The following PPARA variants were observed in gnomAD, a reference collection of about 807,000 sequenced individuals.
PPARA encodes peroxisome proliferator activated receptor alpha, also known as peroxisome proliferator-activated receptor alpha.
In PPARA, 22 loss-of-function variants were observed where a neutral mutation model predicts 42.2. The observed-to-expected ratio is 0.52, with a 90% CI of 0.37 to 0.74. The LOEUF is 0.74. Among genes scored for constraint, PPARA ranks in the 30% least tolerant of loss-of-function variants. The probability of loss-of-function intolerance (pLI) is 0.00; values close to 1 mark genes in which losing one functional copy is unlikely to be tolerated. For missense variants in PPARA, 465 were observed against 608.2 expected (o/e 0.76, Z 2.48); for synonymous variants, 242 against 239.3 (o/e 1.01, Z -0.10).
chr22:46,194,714 G>A (rs1931998026), intron 3 of PPARA, among the ~76,000 whole-genome samples: 2 of 151,382 alleles, frequency 1.3e-5, no homozygotes, highest in African/African-American at 4.9e-5. Flanking sequence ...TGGGATTACA[G>A]GCACCTGCCA....
chr22:46,206,535 A>T (rs548989771), intron 4 of PPARA, among the ~76,000 whole-genome samples: 2 of 152,206 alleles, frequency 1.3e-5, no homozygotes, highest in Non-Finnish European at 1.5e-5. Flanking sequence ...AATGTCTCCC[A>T]GTCTACCTTC....
chr22:46,168,330 C>T (rs1927407379), intron 2 of PPARA, among the ~76,000 whole-genome samples: 2 of 94,670 alleles, frequency 2.1e-5, no homozygotes, highest in African/African-American at 8.1e-5. Context: ...CCAGCCTGGA[C>T]AACAGAGCGA....
At chr22:46,217,869 C>T (rs1381129303) in intron 5 of PPARA, among the ~76,000 whole-genome samples, 4 of 113,396 alleles carry the variant, frequency 3.5e-5, no homozygotes, top group African/African-American at 1.1e-4. Context: ...CTCACTCTGT[C>T]GCGCAGGCTG....
chr22:46,154,053 C>T (rs1270967502), intron 2 of PPARA, among the ~76,000 whole-genome samples: 6 of 152,052 alleles, frequency 3.9e-5, no homozygotes, highest in Admixed American at 6.6e-5. Context: ...TAATATTTAG[C>T]CAATCTCTTT....
chr22:46,212,823 C>G lies in PPARA; in HGVS notation c.209-2350C>G, dbSNP rs1934070580. On this transcript the variant is annotated intron_variant, in intron 4 of 8. Coordinates refer to ENST00000407236, the MANE Select transcript of PPARA (RefSeq NM_005036.6). This position sits in a 1 kb window ranked among gnomAD's most constrained non-coding sequence, Gnocchi z 4.2. ...CCAGCCTGGCCAACATGGTGAAACG[C>G]TGTCTCTACTAAAAATACAAAAATT... Among the ~76,000 whole-genome samples the G allele has an allele frequency of 6.6e-6, 1 of 152,110 alleles. No individual in the cohort carries two copies. Among genetic ancestry groups the G allele is most frequent in the Non-Finnish European group, 1.5e-5 (1 of 68,020 alleles).
Position 46,231,051 on chromosome 22 carries a change from C to CA in PPARA, c.712-741_712-740insA, listed in dbSNP as rs1555961063. On this transcript the variant is annotated intron_variant, in intron 7 of 8. Coordinates refer to ENST00000407236, the MANE Select transcript of PPARA (RefSeq NM_005036.6). The surrounding 1 kb of genome is among the most constrained non-coding windows in gnomAD (Gnocchi z 7.7). ...AAATCAGTACTTCAGTTTCTTGTTT[C>CA]TTTTTTTTTTGAGACGGAGTCTTAC... Among the ~76,000 whole-genome samples, 1 of 148,974 alleles carries CA rather than the reference C, an allele frequency of 6.7e-6. No homozygotes were observed. The highest frequency in any genetic ancestry group is 1.5e-5 in the Non-Finnish European group (1 of 67,018).
rs1435291700 is a variant in PPARA, at chr22:46,234,024, A to G, written c.1160-1109A>G. Among the ~76,000 whole-genome samples the G allele has an allele frequency of 1.3e-5, 2 of 152,096 alleles. No individual in the cohort carries two copies. The highest frequency in any genetic ancestry group is 4.8e-5 in the African/African-American group (2 of 41,402). ...TTTTTAGTAAAGATGGGGTTTCACC[A>G]TATTGGCCAGGCTGGTCTCAAACTC... is the stretch of plus-strand genomic sequence containing the variant. On this transcript the variant is annotated intron_variant, in intron 8 of 8. Transcript: ENST00000407236. This position sits in a 1 kb window ranked among gnomAD's most constrained non-coding sequence, Gnocchi z 5.8.
intron 2 of PPARA, among the ~76,000 whole-genome samples, chr22:46,172,194 G>A (rs912373743): frequency 4.2e-4 from 64 of 152,206 alleles, no homozygotes; most frequent in African/African-American, 1.5e-3. Context: ...CCTGGCAGCC[G>A]TGTGTGAGAA....
rs949740509 is a variant in PPARA, at chr22:46,171,763, C to G, written c.-126-4990C>G. Among the ~76,000 whole-genome samples the G allele has an allele frequency of 2.0e-5, 3 of 152,262 alleles. No homozygotes were observed. The highest frequency in any genetic ancestry group is 7.2e-5 in the African/African-American group (3 of 41,554). On this transcript the variant is annotated intron_variant, in intron 2 of 8. Transcript: ENST00000407236. The surrounding 1 kb of genome is among the most constrained non-coding windows in gnomAD (Gnocchi z 5.0). The stretch of plus-strand genomic sequence containing the variant: ...GGAGGTCCCAGGGGAGAGGCAGGAC[C>G]AGTCTCGTGGAGGTCGGGGCCGTTG...
In PPARA at chr22:46,233,208, C is replaced by T. The variant is rs1041615521; in HGVS notation, c.1159+969C>T. On this transcript the variant is annotated intron_variant, in intron 8 of 8. Transcript: ENST00000407236. This position sits in a 1 kb window ranked among gnomAD's most constrained non-coding sequence, Gnocchi z 7.3. The stretch of plus-strand genomic sequence containing the variant: ...TTGATGAAAAGTATATTTCCTAATG[C>T]AAAATATAATATCAGTCAGCAGCCA... Among the ~76,000 whole-genome samples the T allele has an allele frequency of 8.6e-5, 13 of 151,984 alleles. No homozygotes were observed. Among genetic ancestry groups the T allele is most frequent in the African/African-American group, 3.1e-4 (13 of 41,348 alleles).
chr22:46,185,157 T>A (rs1393964854), intron 3 of PPARA, among the ~76,000 whole-genome samples: 1 of 152,238 alleles, frequency 6.6e-6, no homozygotes. Context: ...TCTCCTGGAC[T>A]GGTCCTCTCT....
At chr22:46,229,509 G>A (rs1356109133) in intron 7 of PPARA, among the ~76,000 whole-genome samples, 2 of 150,438 alleles carry the variant, frequency 1.3e-5, no homozygotes, top group Non-Finnish European at 3.0e-5. Context: ...CAATGAGCTG[G>A]GATTGCACCA....
At position 46,237,458 on chromosome 22, in the gene PPARA, C is replaced by T. The variant is rs116696787; in HGVS notation, c.*2078C>T. 9.9e-3 allele frequency: 1,506 copies of T among 152,266 alleles called. 18 individuals are homozygous for T. Among genetic ancestry groups the T allele is most frequent in the Middle Eastern group, 0.037 (11 of 296 alleles). 9.4% of individuals were successfully genotyped at this position (152,266 alleles called of 1,614,324 possible). ...ACACAAAATTTAAAAATTAGTTCAT[C>T]GGGGTGGCACACATCAGTAGTCCCA... On this transcript the variant is annotated 3_prime_UTR_variant, in exon 9 of 9. Transcript: ENST00000407236. The surrounding 1 kb of genome is among the most constrained non-coding windows in gnomAD (Gnocchi z 6.7).
At position 46,235,309 on chromosome 22, in the gene PPARA, A is replaced by C. The variant is rs144586083; in HGVS notation, c.1336A>C (p.Ile446Leu). 48 of 1,614,140 alleles carry C rather than the reference A, an allele frequency of 3.0e-5. No individual in the cohort carries two copies. The highest frequency in any genetic ancestry group is 2.5e-4 in the Admixed American group (15 of 60,026). Residue 446 changes from isoleucine (I) to leucine (L), a missense_variant, in exon 9 of 9, where the codon ATC becomes CTC. Transcript: ENST00000407236. This position sits in a 1 kb window ranked among gnomAD's most constrained non-coding sequence, Gnocchi z 7.0. ...LVTEHAQLVQIIKKTESDAAL... is the reference protein window; with the variant it reads ...LVTEHAQLVQLIKKTESDAAL... ...GACGGAGCATGCGCAGCTGGTGCAG[A>C]TCATCAAGAAGACGGAGTCGGATGC...
chr22:46,164,097 T>TA (rs1055700846), intron 2 of PPARA: 2 of 151,714 alleles, frequency 1.3e-5, no homozygotes, highest in African/African-American at 4.8e-5. Flanking sequence ...TGGGCGCCTG[T>TA]AATCCCAGCT....
chr22:46,175,678 C>T (rs1482729515), intron 2 of PPARA, among the ~76,000 whole-genome samples: 1 of 150,610 alleles, frequency 6.6e-6, no homozygotes, highest in Admixed American at 6.6e-5. Context: ...CACACCACTG[C>T]ACTCCAGACT....
At chr22:46,186,600 T>C (rs1051767432) in intron 3 of PPARA, among the ~76,000 whole-genome samples, 2 of 152,036 alleles carry the variant, frequency 1.3e-5, no homozygotes, top group Admixed American at 6.6e-5. Flanking sequence ...TTATTGAAAC[T>C]GAGGTTCAGC....
Position 46,235,419 on chromosome 22 carries a change from A to C in PPARA, c.*39A>C. ...AGCCACACCTTTTCCAGGAGTTCTG[A>C]AGCTGACAGCACTACAAAGGAGACG... On this transcript the variant is annotated 3_prime_UTR_variant, in exon 9 of 9. Transcript: ENST00000407236. The surrounding 1 kb of genome is among the most constrained non-coding windows in gnomAD (Gnocchi z 7.0). 6.2e-7 allele frequency: 1 copy of C among 1,608,482 alleles called. No homozygotes were observed. Among genetic ancestry groups the C allele is most frequent in the Non-Finnish European group, 8.5e-7 (1 of 1,178,128 alleles).
In PPARA at chr22:46,224,855, G is replaced by A. The variant is rs1196985481; in HGVS notation, c.711+4841G>A. ...AGCAGCCCTCTGGTTTGCTATAAGCGGGGGACTGAATTTCTCTTTGCAGTG... is the reference window on the plus strand; with the variant it reads ...AGCAGCCCTCTGGTTTGCTATAAGCAGGGGACTGAATTTCTCTTTGCAGTG... On this transcript the variant is annotated intron_variant, in intron 7 of 8. Coordinates refer to ENST00000407236, the MANE Select transcript of PPARA (RefSeq NM_005036.6). The surrounding 1 kb of genome is among the most constrained non-coding windows in gnomAD (Gnocchi z 5.7). 5.3e-5 allele frequency among the ~76,000 whole-genome samples: 8 copies of A among 152,142 alleles called. No individual in the cohort carries two copies. Among genetic ancestry groups the A allele is most frequent in the African/African-American group, 9.7e-5 (4 of 41,406 alleles).
Sources: gnomAD v4.1 joint callset for allele counts (sites outside exome capture counted in the v4.1 genomes callset) on GRCh38, gnomAD v4.1.1 for gene constraint, Gnocchi (gnomAD v3.1) non-coding constraint, MANE v1.5 for transcripts, NCBI Gene and HGNC (gene_info 2026-07-23, HGNC 2026-07-21) for gene names.